RAB30: variants seen among roughly 807,000 people sequenced by gnomAD.
The protein encoded by RAB30 is RAB30, member RAS oncogene family, also known as ras-related protein Rab-30.
Under a neutral mutation model 25.1 loss-of-function variants are expected in RAB30, and 9 were observed. The ratio of observed to expected loss-of-function variants is 0.36; its 90% CI spans 0.22 to 0.63. The LOEUF is 0.63. Among genes scored for constraint, RAB30 ranks in the 20% least tolerant of loss-of-function variants. The probability of loss-of-function intolerance (pLI) is 0.69; values close to 1 mark genes in which losing one functional copy is unlikely to be tolerated. For missense variants in RAB30, 140 were observed against 243.5 expected (o/e 0.58, Z 2.83); for synonymous variants, 77 against 86.4 (o/e 0.89, Z 0.60).
At chr11:83,053,456 C>T (rs558272624) in intron 1 of RAB30, among the ~76,000 whole-genome samples, 5 of 152,252 alleles carry the variant, frequency 3.3e-5, no homozygotes, top group South Asian at 4.1e-4. Flanking sequence ...AGTAACTCAG[C>T]GGTACTTAGT....
At chr11:82,989,151 C>T (rs1018382470) in intron 3 of RAB30, among the ~76,000 whole-genome samples, 3 of 152,088 alleles carry the variant, frequency 2.0e-5, no homozygotes, top group Admixed American at 6.5e-5. Context: ...TACACCTCCC[C>T]GTATTAATGG....
At chr11:83,035,482 A>T in intron 1 of RAB30, 1 of 152,666 alleles carries the variant, frequency 6.6e-6, no homozygotes. Context: ...AGAGACTCAC[A>T]TGAGTATAGA....
chr11:82,994,189 C>T (rs2121456871), intron 2 of RAB30, 67 bp from the exon 3 acceptor site: 2 of 1,330,358 alleles, frequency 1.5e-6, no homozygotes, highest in South Asian at 2.4e-5. Flanking sequence ...TTTCTCCTCT[C>T]CCCCAGCAAC....
chr11:82,983,800 T>C (rs892557112), intron 4 of RAB30, among the ~76,000 whole-genome samples: 4 of 152,054 alleles, frequency 2.6e-5, no homozygotes, highest in African/African-American at 9.7e-5. Context: ...CAGTGGTATA[T>C]AGCCTAAGGA....
chr11:83,038,861 C>T (rs897606915), intron 1 of RAB30: 3 of 151,522 alleles, frequency 2.0e-5, no homozygotes, highest in Non-Finnish European at 4.4e-5. Context: ...AGAAAAATAG[C>T]TAACATCTAT....
intron 4 of RAB30, among the ~76,000 whole-genome samples, chr11:82,983,081 A>G (rs1856672758): frequency 6.6e-6 from 1 of 152,166 alleles, no homozygotes; most frequent in South Asian, 2.1e-4. Flanking sequence ...AAGCAGAAAA[A>G]AAAAGCATAT....
intron 1 of RAB30, among the ~76,000 whole-genome samples, chr11:83,048,309 A>T (rs1017691161): frequency 6.6e-6 from 1 of 151,954 alleles, no homozygotes; most frequent in African/African-American, 2.4e-5. Flanking sequence ...GTGAAATCCT[A>T]AAAAAGTAAG....
intron 4 of RAB30, among the ~76,000 whole-genome samples, chr11:82,984,794 G>T (rs1856708678): frequency 6.6e-6 from 1 of 152,108 alleles, no homozygotes; most frequent in African/African-American, 2.4e-5. Flanking sequence ...CAGGTCTGGG[G>T]CAGGAAATGC....
At chr11:82,982,715 A>C (rs938570775) in intron 4 of RAB30, among the ~76,000 whole-genome samples, 9 of 152,140 alleles carry the variant, frequency 5.9e-5, no homozygotes, top group Non-Finnish European at 1.2e-4. Context: ...TACAAAAATT[A>C]GCCAGGTGTG....
rs112578572 is a variant in RAB30 at position 83,070,206 on chromosome 11, A to G, written c.-9+1485T>C. On this transcript the variant is annotated intron_variant, in intron 1 of 4. Transcript: ENST00000527633. ...TCCAGAAGAGCAGAGCGTCATCAAC[A>G]GAGAGACGCAGAGGCAAAGGCTAAC... 3.5e-3 allele frequency among the ~76,000 whole-genome samples: 536 copies of G among 152,336 alleles called. 6 individuals are homozygous for G. Among genetic ancestry groups the G allele is most frequent in the Middle Eastern group, 0.031 (9 of 294 alleles).
rs1033382182 is a variant in RAB30, at chr11:82,978,807, G to A, written c.*3358C>T. ...TGGCGTCTCTGGCCAAATCTAAACGGCTTAAATAATCCTCATCCAAATATC... is the reference window on the plus strand; with the variant it reads ...TGGCGTCTCTGGCCAAATCTAAACGACTTAAATAATCCTCATCCAAATATC... On this transcript the variant is annotated 3_prime_UTR_variant, in exon 5 of 5. Coordinates refer to ENST00000527633, the MANE Select transcript of RAB30 (RefSeq NM_001286060.2). 7 of 152,114 alleles carry A rather than the reference G, an allele frequency of 4.6e-5. No homozygotes were observed. The highest frequency in any genetic ancestry group is 1.7e-4 in the African/African-American group (7 of 41,416). The allele number at this position is 152,114 out of a possible 1,614,324, so 9.4% of individuals were successfully genotyped here.
At chr11:83,017,626 G>A (rs1026440296) in intron 1 of RAB30, among the ~76,000 whole-genome samples, 1 of 151,836 alleles carries the variant, frequency 6.6e-6, no homozygotes, top group Non-Finnish European at 1.5e-5. Flanking sequence ...GAGAACATAC[G>A]ATATTTAATT....
chr11:83,025,025 C>G (rs1035950913), intron 1 of RAB30, among the ~76,000 whole-genome samples: 5 of 152,170 alleles, frequency 3.3e-5, no homozygotes, highest in African/African-American at 1.2e-4. Context: ...CTAGTAAGTT[C>G]CCTATTTCTT....
chr11:83,005,598 A>T (rs898375735), intron 1 of RAB30, among the ~76,000 whole-genome samples: 2 of 152,160 alleles, frequency 1.3e-5, no homozygotes, highest in African/African-American at 4.8e-5. Context: ...TTCTGGATGG[A>T]TTCAAAGTTT....
At chr11:83,000,889 T>A (rs1272946685) in intron 1 of RAB30, among the ~76,000 whole-genome samples, 1 of 142,640 alleles carries the variant, frequency 7.0e-6, no homozygotes, top group African/African-American at 2.6e-5. Flanking sequence ...AAAAAAAAAA[T>A]ACAAAAAATT....
intron 1 of RAB30, among the ~76,000 whole-genome samples, chr11:83,060,551 G>A (rs965453207): frequency 9.2e-5 from 14 of 152,152 alleles, no homozygotes; most frequent in East Asian, 7.7e-4. Flanking sequence ...TGATGCACGG[G>A]GAGGGATAGA....
chr11:83,057,853 G>A (rs1858488451), intron 1 of RAB30, among the ~76,000 whole-genome samples: 1 of 152,156 alleles, frequency 6.6e-6, no homozygotes, highest in Non-Finnish European at 1.5e-5. Flanking sequence ...GAACAATACT[G>A]TCACCATATG....
At chr11:83,017,702 C>T (rs550455816) in intron 1 of RAB30, among the ~76,000 whole-genome samples, 263 of 152,276 alleles carry the variant, frequency 1.7e-3, no homozygotes, top group African/African-American at 6.1e-3. Flanking sequence ...CTGCAAATGC[C>T]ATTATTTCAT....
intron 1 of RAB30, among the ~76,000 whole-genome samples, chr11:83,022,061 C>T (rs909462218): frequency 2.0e-5 from 3 of 151,870 alleles, no homozygotes; most frequent in South Asian, 2.1e-4. Flanking sequence ...CACGGCTGTA[C>T]GTATGCCTGA....
Sources: gnomAD v4.1 joint callset for allele counts (sites outside exome capture counted in the v4.1 genomes callset) on GRCh38, gnomAD v4.1.1 for gene constraint, MANE v1.5 for transcripts, NCBI Gene and HGNC (gene_info 2026-07-23, HGNC 2026-07-21) for gene names.